Variants in EED observed in about 807,000 individuals in gnomAD.
EED encodes polycomb protein EED.
A neutral mutation model predicts 61.0 loss-of-function variants in EED; 9 were observed. The ratio of observed to expected loss-of-function variants is 0.15; its 90% confidence interval spans 0.09 to 0.26. The LOEUF is 0.26. Among genes scored for constraint, EED ranks in the 10% least tolerant of loss-of-function variants. EED has a pLI of 1.00. For missense variants in EED, 315 were observed against 542.3 expected (o/e 0.58, Z 4.16); for synonymous variants, 187 against 174.4 (o/e 1.07, Z -0.57).
chr11:86,247,106 C>T (rs1346618522), intron 1 of EED, among the ~76,000 whole-genome samples: 1 of 152,130 alleles, frequency 6.6e-6, no homozygotes, highest in Admixed American at 6.5e-5. Flanking sequence ...AAGAAACTTG[C>T]AAAGGACAAA....
intron 6 of EED, among the ~76,000 whole-genome samples, chr11:86,261,748 A>G (rs1323142081): frequency 6.6e-6 from 1 of 152,182 alleles, no homozygotes; most frequent in Non-Finnish European, 1.5e-5. Flanking sequence ...TTCAGAAGCT[A>G]TGGCCTGAGC....
intron 9 of EED, among the ~76,000 whole-genome samples, chr11:86,268,823 T>G (rs1273778288): frequency 1.3e-5 from 2 of 152,222 alleles, no homozygotes; most frequent in African/African-American, 4.8e-5. Flanking sequence ...GGTGATAGTA[T>G]TCTCTGATAG....
chr11:86,286,101 G>A, the EED span, among the ~76,000 whole-genome samples: 1 of 152,046 alleles, frequency 6.6e-6, no homozygotes, highest in Non-Finnish European at 1.5e-5. Flanking sequence ...TGCAATCTCG[G>A]CTCACTGCAG....
chr11:86,268,517 T>TA lies in EED; in HGVS notation c.923dup (p.Tyr308Ter). 1 of 1,611,908 alleles carries TA rather than the reference T, an allele frequency of 6.2e-7. No homozygotes were observed. Among genetic ancestry groups the TA allele is most frequent in the South Asian group, 1.1e-5 (1 of 90,364 alleles). The change falls in exon 9 of 12, where the codon TAT becomes TAAT. Residue 308 changes from tyrosine (Y) to a stop codon, truncating the protein, a stop_gained and frameshift_variant. Transcript: ENST00000263360. LOFTEE classifies it high-confidence loss of function. The part of the protein sequence containing the change: ...DFSTRDIHRN[Y>*]VDCVRWLGDL... ...TTCTACCAGAGACATACATAGGAAT[T>TA]ATGTTGATTGTGTGCGATGGTTAGG...
intron 9 of EED, among the ~76,000 whole-genome samples, chr11:86,271,042 A>G (rs948185206): frequency 1.3e-5 from 2 of 152,092 alleles, no homozygotes; most frequent in Non-Finnish European, 2.9e-5. Context: ...TCTTTTCTAC[A>G]TTTCTAAAAA....
At chr11:86,260,756 T>A (rs1310737675) in intron 6 of EED, among the ~76,000 whole-genome samples, 1 of 152,206 alleles carries the variant, frequency 6.6e-6, no homozygotes. Flanking sequence ...TGTATTTTAT[T>A]TCAAAAGTAT....
In EED at chr11:86,257,596, G is replaced by T; in HGVS notation, c.634G>T (p.Asp212Tyr). 1 of 1,605,144 alleles carries T rather than the reference G, an allele frequency of 6.2e-7. No individual in the cohort carries two copies. The highest frequency in any genetic ancestry group is 1.3e-5 in the African/African-American group (1 of 74,692). The change falls in exon 6 of 12, where the codon GAT (aspartate) becomes TAT (tyrosine). Residue 212 changes from aspartate (D) to tyrosine (Y), a missense_variant and splice_region_variant. Asp to Tyr is a radical substitution (Grantham distance 160, BLOSUM62 -3). Transcript: ENST00000263360. The stretch of plus-strand genomic sequence containing the variant: ...AAATCTTCTCCTGTCAGTAAGTAAA[G>T]GTAAGTGAAGCAAATGTTTCTTGAG... ...DPNLLLSVSK[D>Y]HALRLWNIQT...
intron 2 of EED, among the ~76,000 whole-genome samples, chr11:86,251,340 G>A (rs182565992): frequency 3.4e-4 from 52 of 152,130 alleles, no homozygotes; most frequent in African/African-American, 1.2e-3. Flanking sequence ...TTACATTAAC[G>A]TACTACTTTT....
chr11:86,278,584 T>C lies in EED; in HGVS notation c.*59T>C. 6.3e-7 allele frequency: 1 copy of C among 1,586,076 alleles called. No individual in the cohort carries two copies. Among genetic ancestry groups the C allele is most frequent in the Non-Finnish European group, 8.6e-7 (1 of 1,163,088 alleles). On this transcript the variant is annotated 3_prime_UTR_variant, in exon 12 of 12. Coordinates refer to ENST00000263360, the MANE Select transcript of EED (RefSeq NM_003797.5). ...TGTTGTCTGTGTAAAATAGAATTAA[T>C]GTATCTTGCTAGTAAGGGCACGTAG...
chr11:86,261,266 T>G (rs1358985268), intron 6 of EED, among the ~76,000 whole-genome samples: 1 of 152,172 alleles, frequency 6.6e-6, no homozygotes, highest in Non-Finnish European at 1.5e-5. Context: ...AGAATAAGGG[T>G]AACTGGTCCC....
At chr11:86,279,218 A>G, downstream of EED, among the ~76,000 whole-genome samples, 1 of 152,346 alleles carries the variant, frequency 6.6e-6, no homozygotes, top group Non-Finnish European at 1.5e-5. Flanking sequence ...TTTATAGTTT[A>G]AAAAATATTA....
intron 9 of EED, among the ~76,000 whole-genome samples, chr11:86,272,649 T>G (rs1044687893): frequency 2.6e-5 from 4 of 152,232 alleles, no homozygotes; most frequent in Non-Finnish European, 5.9e-5. Context: ...TTCTGTCACG[T>G]TTTGCAGTTC....
chr11:86,281,672 G>A (rs79190148), downstream of EED, among the ~76,000 whole-genome samples: 5,020 of 152,174 alleles, frequency 0.033, 258 homozygotes, highest in African/African-American at 0.11. Context: ...TCGGGGTCTT[G>A]CTATGTTGTT....
chr11:86,260,972 C>G (rs1221888660), intron 6 of EED, among the ~76,000 whole-genome samples: 3 of 151,626 alleles, frequency 2.0e-5, no homozygotes, highest in Non-Finnish European at 4.4e-5. Flanking sequence ...GTGGTACTCT[C>G]ATGACCTAAC....
downstream of EED, among the ~76,000 whole-genome samples, chr11:86,283,011 G>A (rs551387760): frequency 6.6e-6 from 1 of 152,156 alleles, no homozygotes; most frequent in Non-Finnish European, 1.5e-5. Context: ...GTGCATGCCT[G>A]TATTCTCAGC....
intron 9 of EED, 75 bp downstream of exon 9, chr11:86,268,636 C>A: frequency 3.0e-6 from 2 of 660,730 alleles, no homozygotes; most frequent in African/African-American, 2.3e-5. Context: ...TATGTGTGTG[C>A]GCATGTTGGA....
chr11:86,256,559 A>G (rs369959606), intron 5 of EED, 47 bp downstream of exon 5: 1 of 1,469,654 alleles, frequency 6.8e-7, no homozygotes, highest in Non-Finnish European at 9.1e-7. Flanking sequence ...TTGAATCCAC[A>G]ACTGTAAAAA....
intron 6 of EED, 114 bp from the exon 7 acceptor site, chr11:86,264,058 T>C (rs1330755104): frequency 2.7e-6 from 2 of 727,900 alleles, no homozygotes; most frequent in Non-Finnish European, 4.6e-6. Context: ...ATTCCATTTT[T>C]AGGCTTTACT....
intron 9 of EED, 54 bp downstream of exon 9, chr11:86,268,615 G>A: frequency 8.3e-7 from 1 of 1,203,358 alleles, no homozygotes; most frequent in Non-Finnish European, 1.2e-6. Flanking sequence ...GTGTGTGTGT[G>A]TGTGTGTGTG....
Sources: allele counts gnomAD v4.1 joint callset (sites outside exome capture counted in the v4.1 genomes callset), GRCh38; gene constraint gnomAD v4.1.1; transcripts MANE v1.5; gene names NCBI Gene and HGNC (gene_info 2026-07-23, HGNC 2026-07-21).